The following SKAP2 variants were observed in gnomAD, a reference collection of about 807,000 sequenced individuals.
The protein encoded by SKAP2 is src kinase-associated phosphoprotein 2.
A neutral mutation model predicts 54.9 loss-of-function variants in SKAP2; 28 were observed. That is an observed-to-expected ratio of 0.51 (90% CI 0.38 to 0.70). SKAP2 has a LOEUF of 0.70. SKAP2 is among the 30% of genes least tolerant of loss of function. SKAP2 has a pLI of 0.00. For missense variants in SKAP2, 356 were observed against 424.1 expected, an observed-to-expected ratio of 0.84 and a Z score of 1.41; for synonymous variants, 137 against 134.3, an observed-to-expected ratio of 1.02 and a Z score of -0.14.
chr7:26,671,644 T>A (rs1786243278), intron 11 of SKAP2, among the ~76,000 whole-genome samples: 1 of 151,964 alleles, frequency 6.6e-6, no homozygotes. Flanking sequence ...GTTATTCTAT[T>A]GAGGGCACAG....
At chr7:26,741,391 C>T (rs927250146) in intron 4 of SKAP2, among the ~76,000 whole-genome samples, 5 of 151,226 alleles carry the variant, frequency 3.3e-5, no homozygotes, top group Admixed American at 2.0e-4. Context: ...GTGGTATACG[C>T]GCCTGCAGTC....
At chr7:26,827,021 A>G (rs1784505021) in intron 4 of SKAP2, among the ~76,000 whole-genome samples, 1 of 152,190 alleles carries the variant, frequency 6.6e-6, no homozygotes, top group Non-Finnish European at 1.5e-5. Flanking sequence ...CAACACCAAA[A>G]TAAGTCCTAT....
rs186048521 is a variant in SKAP2 at position 26,787,378 on chromosome 7, G to A, written c.308-47414C>T. On this transcript the variant is annotated intron_variant, in intron 4 of 12. Coordinates refer to ENST00000345317, the MANE Select transcript of SKAP2 (RefSeq NM_003930.5). Reference sequence around the variant, plus strand: ...TCCTCTGCCACCTAGGCTGGAGTGCGGTAGCACAATCTTGGCTCACTGCAA... The same window carrying A: ...TCCTCTGCCACCTAGGCTGGAGTGCAGTAGCACAATCTTGGCTCACTGCAA... Among the ~76,000 whole-genome samples the A allele has an allele frequency of 1.0e-3, 159 of 151,786 alleles. 1 individual carries two copies. The highest frequency in any genetic ancestry group is 4.2e-4 in the South Asian group (2 of 4,804).
At chr7:26,769,173 A>G (rs1317329254) in intron 4 of SKAP2, among the ~76,000 whole-genome samples, 1 of 151,746 alleles carries the variant, frequency 6.6e-6, no homozygotes, top group Non-Finnish European at 1.5e-5. Flanking sequence ...TTTTTCTCTA[A>G]TCTTGTCTTC....
chr7:26,722,385 A>ATT (rs35643377), intron 9 of SKAP2, among the ~76,000 whole-genome samples: 14,373 of 89,020 alleles, frequency 0.16, 2,095 homozygotes, highest in East Asian at 0.32. Flanking sequence ...ATGCAATGCA[A>ATT]TTTTTTTTTT....
chr7:26,726,281 A>C (rs1041568910), intron 7 of SKAP2, among the ~76,000 whole-genome samples: 29 of 152,174 alleles, frequency 1.9e-4, no homozygotes, highest in African/African-American at 6.8e-4. Flanking sequence ...CTTGACAATT[A>C]GAAGACACCC....
At chr7:26,742,468 C>T (rs1013264401) in intron 4 of SKAP2, 1 of 152,080 alleles carries the variant, frequency 6.6e-6, no homozygotes, top group East Asian at 1.9e-4. Context: ...AATTTACTAG[C>T]GTTCAATATA....
intron 9 of SKAP2, among the ~76,000 whole-genome samples, chr7:26,698,075 G>T (rs1786934475): frequency 6.6e-6 from 1 of 152,114 alleles, no homozygotes; most frequent in Non-Finnish European, 1.5e-5. Context: ...TCTTATCAGG[G>T]TCTACAACTG....
intron 4 of SKAP2, among the ~76,000 whole-genome samples, chr7:26,742,063 GT>G (rs1248224978): frequency 5.3e-5 from 8 of 151,850 alleles, no homozygotes; most frequent in Non-Finnish European, 1.0e-4. Flanking sequence ...AATGTATCCA[GT>G]TTTTTTCAAA....
At chr7:26,795,763 G>GA in intron 4 of SKAP2, among the ~76,000 whole-genome samples, 1 of 152,214 alleles carries the variant, frequency 6.6e-6, no homozygotes, top group East Asian at 1.9e-4. Flanking sequence ...CTTAACTCTT[G>GA]AAAAAATAAA....
intron 6 of SKAP2, among the ~76,000 whole-genome samples, chr7:26,737,204 G>C (rs1251523919): frequency 6.6e-6 from 1 of 152,174 alleles, no homozygotes; most frequent in Non-Finnish European, 1.5e-5. Flanking sequence ...GTGGAAGGTA[G>C]TATCTCGATC....
chr7:26,797,880 CTGGCATACTGAAGAATGCAAT>C (rs922179946), intron 4 of SKAP2, among the ~76,000 whole-genome samples: 3 of 150,856 alleles, frequency 2.0e-5, no homozygotes, highest in Non-Finnish European at 4.4e-5. Context: ...AAAAATGCAA[CTGGCATACTGAAGAATGCAAT>C]TGGCATACTG....
intron 6 of SKAP2, among the ~76,000 whole-genome samples, chr7:26,736,796 T>A (rs140502242): frequency 2.6e-5 from 4 of 151,390 alleles, no homozygotes; most frequent in African/African-American, 9.7e-5. Context: ...TTAGGTCTCA[T>A]CAAATAAGAA....
At chr7:26,745,496 G>A (rs564252236) in intron 4 of SKAP2, among the ~76,000 whole-genome samples, 1 of 152,148 alleles carries the variant, frequency 6.6e-6, no homozygotes. Flanking sequence ...CACCTCCTGG[G>A]GGGAGATAGA....
At chr7:26,695,284 G>A (rs1786871166) in intron 9 of SKAP2, among the ~76,000 whole-genome samples, 1 of 152,056 alleles carries the variant, frequency 6.6e-6, no homozygotes, top group Non-Finnish European at 1.5e-5. Flanking sequence ...CACCTGTCCA[G>A]GCATTATTTA....
chr7:26,837,262 C>T (rs1303520760), intron 4 of SKAP2, among the ~76,000 whole-genome samples: 1 of 152,074 alleles, frequency 6.6e-6, no homozygotes, highest in Non-Finnish European at 1.5e-5. Flanking sequence ...TGCAGCAAAC[C>T]ACCATGGCAC....
intron 9 of SKAP2, among the ~76,000 whole-genome samples, chr7:26,716,649 CCTT>C (rs1219845114): frequency 6.6e-6 from 1 of 151,872 alleles, no homozygotes; most frequent in Non-Finnish European, 1.5e-5. Flanking sequence ...TTGTTTGTTG[CCTT>C]CTTTTGTGTT....
At chr7:26,701,105 C>A (rs1440531446) in intron 9 of SKAP2, among the ~76,000 whole-genome samples, 1 of 152,148 alleles carries the variant, frequency 6.6e-6, no homozygotes, top group Non-Finnish European at 1.5e-5. Flanking sequence ...CAGGTGTGGA[C>A]TCCCCAGTGA....
At chr7:26,657,178 C>T in the SKAP2 span, among the ~76,000 whole-genome samples, 1 of 152,212 alleles carries the variant, frequency 6.6e-6, no homozygotes, top group African/African-American at 2.4e-5. Context: ...CTTTCTGCCA[C>T]CCCACTGCTT....
Sources: allele counts gnomAD v4.1 joint callset (sites outside exome capture counted in the v4.1 genomes callset), GRCh38; gene constraint gnomAD v4.1.1; transcripts MANE v1.5; gene names NCBI Gene and HGNC (gene_info 2026-07-23, HGNC 2026-07-21).